Variants in BACH2 observed in about 807,000 individuals in gnomAD.
BACH2 encodes transcription regulator protein BACH2.
Under a neutral mutation model 61.8 loss-of-function variants are expected in BACH2, and 5 were observed. That is an observed-to-expected ratio of 0.08 (90% CI 0.04 to 0.17). The LOEUF is 0.17. BACH2 is among the 10% of genes least tolerant of loss of function. The pLI is 1.00. For synonymous variants in BACH2, 446 were observed against 440.1 expected, an observed-to-expected ratio of 1.01 and a Z score of -0.17; for missense variants, 824 against 1,091.1, an observed-to-expected ratio of 0.76 and a Z score of 3.45.
At position 89,933,500 on chromosome 6, in the gene BACH2, C is replaced by T. The variant is rs952200093; in HGVS notation, c.2044-610G>A. Among the ~76,000 whole-genome samples, 3 of 151,966 alleles carry T rather than the reference C, an allele frequency of 2.0e-5. No homozygotes were observed. In the East Asian group the frequency reaches 5.8e-4, roughly 29 times the overall value. On this transcript the variant is annotated intron_variant, in intron 8 of 8. Coordinates refer to ENST00000257749, the MANE Select transcript of BACH2 (RefSeq NM_021813.4). ...TCCAAAACCATAGAACGTGCAACAC[C>T]GAGAGTGAACTCTAATGCAAACTAT... is the stretch of plus-strand genomic sequence containing the variant.
intron 4 of BACH2, among the ~76,000 whole-genome samples, chr6:90,184,019 AT>A (rs1457893980): frequency 6.6e-6 from 1 of 152,098 alleles, no homozygotes; most frequent in Non-Finnish European, 1.5e-5. Flanking sequence ...TTGCCAATTT[AT>A]TTTTTGTCCA....
intron 8 of BACH2, among the ~76,000 whole-genome samples, chr6:89,936,771 T>C (rs1430702138): frequency 3.9e-5 from 6 of 152,146 alleles, no homozygotes; most frequent in Non-Finnish European, 7.3e-5. Context: ...TGATAACATA[T>C]AACATCCTGT....
chr6:90,272,061 G>A (rs1022230192), intron 1 of BACH2, 120 bp from the exon 2 acceptor site: 1 of 152,236 alleles, frequency 6.6e-6, no homozygotes, highest in Non-Finnish European at 1.5e-5. Context: ...CAAATTTAGT[G>A]CTTAGAAAAG....
chr6:90,132,317 C>T (rs1191765797), intron 4 of BACH2, among the ~76,000 whole-genome samples: 2 of 152,150 alleles, frequency 1.3e-5, no homozygotes, highest in African/African-American at 4.8e-5. Flanking sequence ...GCTGGTCATA[C>T]CCCCTAAACA....
intron 4 of BACH2, among the ~76,000 whole-genome samples, chr6:90,102,272 T>C (rs1442875763): frequency 6.6e-6 from 1 of 152,134 alleles, no homozygotes; most frequent in Non-Finnish European, 1.5e-5. Context: ...TTTGAAAAGT[T>C]CCTGGGACTC....
intron 8 of BACH2, among the ~76,000 whole-genome samples, chr6:89,933,976 C>A (rs1562304337): frequency 6.6e-6 from 1 of 150,940 alleles, no homozygotes; most frequent in Admixed American, 6.6e-5. Context: ...ACAGTGAGAC[C>A]CTGTCTCCCC....
At chr6:90,051,475 C>T (rs1289952191) in intron 5 of BACH2, among the ~76,000 whole-genome samples, 4 of 152,150 alleles carry the variant, frequency 2.6e-5, no homozygotes, top group African/African-American at 9.7e-5. Flanking sequence ...TCTATAGCTG[C>T]TTTTGCACTA....
At chr6:90,107,465 A>G (rs1782974116) in intron 4 of BACH2, among the ~76,000 whole-genome samples, 1 of 152,196 alleles carries the variant, frequency 6.6e-6, no homozygotes, top group Non-Finnish European at 1.5e-5. Context: ...GTGATCTCAA[A>G]TAAAGCACAA....
chr6:90,274,663 A>G (rs1562537811), intron 1 of BACH2, among the ~76,000 whole-genome samples: 3 of 152,260 alleles, frequency 2.0e-5, no homozygotes, highest in African/African-American at 4.8e-5. Flanking sequence ...AAGTACGCAC[A>G]TACAATCAGC....
intron 4 of BACH2, among the ~76,000 whole-genome samples, chr6:90,156,068 T>A (rs570200046): frequency 6.6e-6 from 1 of 152,164 alleles, no homozygotes; most frequent in African/African-American, 2.4e-5. Context: ...CGCTATCTGA[T>A]GAAGCAGTGA....
At chr6:90,279,222 C>G (rs188756026) in intron 1 of BACH2, among the ~76,000 whole-genome samples, 18 of 151,628 alleles carry the variant, frequency 1.2e-4, no homozygotes, top group African/African-American at 3.6e-4. Context: ...AAATCTTGCT[C>G]TTAAAAAAAA....
At chr6:90,097,927 A>G (rs1782445736) in intron 4 of BACH2, among the ~76,000 whole-genome samples, 1 of 152,224 alleles carries the variant, frequency 6.6e-6, no homozygotes, top group Admixed American at 6.5e-5. Flanking sequence ...CTTCTCTGTG[A>G]CATATTCATT....
intron 6 of BACH2, among the ~76,000 whole-genome samples, chr6:89,958,571 A>T (rs1237187067): frequency 1.3e-5 from 2 of 152,188 alleles, no homozygotes; most frequent in Non-Finnish European, 2.9e-5. Flanking sequence ...ATAAAACACC[A>T]CCTTTTTCTC....
chr6:90,279,968 T>C (rs537446349), intron 1 of BACH2, among the ~76,000 whole-genome samples: 89 of 152,330 alleles, frequency 5.8e-4, no homozygotes, highest in African/African-American at 2.1e-3. Context: ...ATGAGCTTGT[T>C]AGTCATGGCC....
chr6:89,968,034 T>C lies in BACH2; in HGVS notation c.244-16172A>G, dbSNP rs892816402. On this transcript the variant is annotated intron_variant, in intron 6 of 8. Coordinates refer to ENST00000257749, the MANE Select transcript of BACH2 (RefSeq NM_021813.4). Reference sequence around the variant, plus strand: ...CAGTTATCCTCTTGATCCTGACTCCTAGCCTTTTCTTTGACTTACTAGCAT... The same window carrying C: ...CAGTTATCCTCTTGATCCTGACTCCCAGCCTTTTCTTTGACTTACTAGCAT... Among the ~76,000 whole-genome samples, 6 of 152,362 alleles carry C rather than the reference T, an allele frequency of 3.9e-5. No individual in the cohort carries two copies. In the South Asian group the frequency reaches 1.0e-3, roughly 26 times the overall value.
intron 2 of BACH2, among the ~76,000 whole-genome samples, chr6:90,261,389 G>C (rs547299319): frequency 4.7e-4 from 72 of 152,240 alleles, no homozygotes; most frequent in Non-Finnish European, 8.8e-4. Context: ...TTAAAAAAAT[G>C]TTCCTTGACA....
At chr6:90,109,740 A>G (rs1783084116) in intron 4 of BACH2, among the ~76,000 whole-genome samples, 1 of 152,212 alleles carries the variant, frequency 6.6e-6, no homozygotes, top group Non-Finnish European at 1.5e-5. Context: ...CAAAGAGAAT[A>G]TATAGACTTC....
intron 4 of BACH2, among the ~76,000 whole-genome samples, chr6:90,122,890 C>T (rs1223905935): frequency 6.6e-6 from 1 of 152,040 alleles, no homozygotes; most frequent in African/African-American, 2.4e-5. Flanking sequence ...TATAGTTACA[C>T]ATAAAAAAGA....
At chr6:89,955,828 C>T (rs879843268) in intron 6 of BACH2, among the ~76,000 whole-genome samples, 9 of 151,978 alleles carry the variant, frequency 5.9e-5, no homozygotes, top group Non-Finnish European at 1.2e-4. Flanking sequence ...TGCATTGTTA[C>T]TTACTTTTTG....
Sources: gnomAD v4.1 joint callset for allele counts (sites outside exome capture counted in the v4.1 genomes callset) on GRCh38, gnomAD v4.1.1 for gene constraint, MANE v1.5 for transcripts, NCBI Gene and HGNC (gene_info 2026-07-23, HGNC 2026-07-21) for gene names.